KPNA1: variants seen among roughly 807,000 people sequenced by gnomAD.
KPNA1 encodes the protein karyopherin subunit alpha 1, also known as importin subunit alpha-5.
Under a neutral mutation model 70.5 loss-of-function variants are expected in KPNA1, and 10 were observed. That is an observed-to-expected ratio of 0.14 (90% confidence interval 0.09 to 0.24). KPNA1 has a LOEUF of 0.24. Among genes scored for constraint, KPNA1 ranks in the 10% least tolerant of loss-of-function variants. The pLI is 1.00. For missense variants in KPNA1, 397 were observed against 637.9 expected, an observed-to-expected ratio of 0.62 and a Z score of 4.07; for synonymous variants, 192 against 221.9, an observed-to-expected ratio of 0.87 and a Z score of 1.20.
At chr3:122,464,720 T>TC (rs2076361795) in intron 3 of KPNA1, among the ~76,000 whole-genome samples, 1 of 152,214 alleles carries the variant, frequency 6.6e-6, no homozygotes, top group African/African-American at 2.4e-5. Flanking sequence ...TGTTTCCATT[T>TC]CCCACCATAA....
chr3:122,430,214 A>G lies in KPNA1; in HGVS notation c.1251-2498T>C, dbSNP rs949969331. ...TTTGATTTAACCCACCACCACTACTACTGCCATCATTCACGGATTCACCAA... is the reference window on the plus strand; with the variant it reads ...TTTGATTTAACCCACCACCACTACTGCTGCCATCATTCACGGATTCACCAA... On this transcript the variant is annotated intron_variant, in intron 12 of 13. Transcript: ENST00000344337. Among the ~76,000 whole-genome samples the G allele has an allele frequency of 2.0e-5, 3 of 152,184 alleles. No homozygotes were observed. In the East Asian group the frequency reaches 5.8e-4, roughly 29 times the overall value.
At chr3:122,484,938 C>G (rs1193717859) in intron 2 of KPNA1, among the ~76,000 whole-genome samples, 1 of 152,180 alleles carries the variant, frequency 6.6e-6, no homozygotes, top group Non-Finnish European at 1.5e-5. Context: ...CGCTTTGACG[C>G]CCAGGCTGGA....
chr3:122,442,011 C>CA (rs748173279), intron 10 of KPNA1, 27 bp downstream of exon 10: 106 of 1,508,278 alleles, frequency 7.0e-5, no homozygotes, highest in Admixed American at 3.8e-4. Flanking sequence ...TTTTAAAGGA[C>CA]AAAAAAAAGT....
At chr3:122,470,775 A>C (rs1282653180) in intron 2 of KPNA1, among the ~76,000 whole-genome samples, 1 of 152,088 alleles carries the variant, frequency 6.6e-6, no homozygotes, top group African/African-American at 2.4e-5. Flanking sequence ...AGAACAGAAA[A>C]TGGAAATCAT....
intron 4 of KPNA1, 60 bp from the exon 5 acceptor site, chr3:122,461,378 C>T: frequency 9.3e-7 from 1 of 1,076,368 alleles, no homozygotes; most frequent in East Asian, 2.4e-5. Context: ...AAGAACTTAA[C>T]AGCTCAAAAC....
chr3:122,469,256 A>G (rs900733633), intron 2 of KPNA1, among the ~76,000 whole-genome samples: 5 of 152,264 alleles, frequency 3.3e-5, no homozygotes, highest in African/African-American at 1.2e-4. Flanking sequence ...AAGCATAACA[A>G]AGAAATTCCC....
intron 2 of KPNA1, among the ~76,000 whole-genome samples, chr3:122,472,901 C>T (rs936802571): frequency 6.6e-6 from 1 of 151,842 alleles, no homozygotes; most frequent in Non-Finnish European, 1.5e-5. Flanking sequence ...GCCAACGCGG[C>T]AAAACCCCGT....
At chr3:122,481,529 G>C (rs955546326) in intron 2 of KPNA1, among the ~76,000 whole-genome samples, 1 of 152,216 alleles carries the variant, frequency 6.6e-6, no homozygotes, top group Non-Finnish European at 1.5e-5. Context: ...GGGAGCAGAG[G>C]GAATGGAGAG....
Position 122,496,667 on chromosome 3 carries a change from T to A in KPNA1, c.-5-97A>T. The A allele has an allele frequency of 6.3e-6, 7 of 1,115,638 alleles. No homozygotes were observed. The South Asian group carries it at 1.1e-4, about 17-fold the overall frequency. The allele number at this position is 1,115,638 out of a possible 1,614,324, so 69.1% of individuals were successfully genotyped here. The stretch of plus-strand genomic sequence containing the variant: ...TTAAACATATACATGCCCAGACATA[T>A]CCCAAAGGGACATCAGAAATGGCTA... On this transcript the variant is annotated intron_variant, in intron 1 of 13. Coordinates refer to ENST00000344337, the MANE Select transcript of KPNA1 (RefSeq NM_002264.4).
intron 2 of KPNA1, among the ~76,000 whole-genome samples, chr3:122,495,654 A>G (rs2076750798): frequency 6.7e-6 from 1 of 148,298 alleles, no homozygotes; most frequent in Non-Finnish European, 1.5e-5. Context: ...TGAGGGTTCT[A>G]ATTCATCTGC....
intron 11 of KPNA1, among the ~76,000 whole-genome samples, chr3:122,435,360 C>T (rs889223142): frequency 6.6e-6 from 1 of 152,138 alleles, no homozygotes; most frequent in African/African-American, 2.4e-5. Flanking sequence ...TTGTCGTCCA[C>T]TTGAGTTACT....
intron 2 of KPNA1, among the ~76,000 whole-genome samples, chr3:122,476,883 A>C (rs904576500): frequency 6.7e-6 from 1 of 148,704 alleles, no homozygotes; most frequent in African/African-American, 2.4e-5. Flanking sequence ...AAAAAAAAAA[A>C]ACTAAAAAAA....
chr3:122,430,952 C>T (rs2075897349), intron 12 of KPNA1, among the ~76,000 whole-genome samples: 1 of 152,150 alleles, frequency 6.6e-6, no homozygotes. Context: ...TGACCTGCCA[C>T]CTCCAAAAAC....
intron 5 of KPNA1, chr3:122,457,730 T>C (rs2076279475): frequency 7.8e-7 from 1 of 1,288,530 alleles, no homozygotes; most frequent in African/African-American, 1.5e-5. Flanking sequence ...TCTGACCTCC[T>C]ATCAAGTTTC....
At chr3:122,497,302 T>G (rs552225585) in intron 1 of KPNA1, among the ~76,000 whole-genome samples, 2 of 152,350 alleles carry the variant, frequency 1.3e-5, no homozygotes, top group Admixed American at 1.3e-4. Flanking sequence ...CCATTCTATA[T>G]ATATACCCAA....
At chr3:122,504,101 T>G (rs2076860804) in intron 1 of KPNA1, among the ~76,000 whole-genome samples, 1 of 152,206 alleles carries the variant, frequency 6.6e-6, no homozygotes, top group Non-Finnish European at 1.5e-5. Context: ...AACCATGGAC[T>G]TAGAGTGAGG....
At chr3:122,453,676 A>T (rs569998324) in intron 6 of KPNA1, among the ~76,000 whole-genome samples, 194 bp downstream of exon 6, 2 of 152,234 alleles carry the variant, frequency 1.3e-5, no homozygotes, top group East Asian at 3.9e-4. Flanking sequence ...AGCTGGGATT[A>T]CAGACACGTA....
At chr3:122,439,261 C>A (rs533239123) in intron 10 of KPNA1, among the ~76,000 whole-genome samples, 20 of 152,266 alleles carry the variant, frequency 1.3e-4, no homozygotes, top group African/African-American at 4.8e-4. Flanking sequence ...TAGCTCACTG[C>A]AACCTCAAAC....
Position 122,433,647 on chromosome 3 carries a change from T to G in KPNA1, c.1250+14A>C, listed in dbSNP as rs1293958523. 1 of 1,577,932 alleles carries G rather than the reference T, an allele frequency of 6.3e-7. No individual in the cohort carries two copies. Among genetic ancestry groups the G allele is most frequent in the Non-Finnish European group, 8.6e-7 (1 of 1,166,758 alleles). Reference sequence around the variant, plus strand: ...TTTCTTTAACTTACAATATGCTGCCTGATTGGTACTTACTTGATCTGTTCA... The same window carrying G: ...TTTCTTTAACTTACAATATGCTGCCGGATTGGTACTTACTTGATCTGTTCA... On this transcript the variant is annotated intron_variant, in intron 12 of 13. Transcript: ENST00000344337.
Sources: gnomAD v4.1 joint callset for allele counts (sites outside exome capture counted in the v4.1 genomes callset) on GRCh38, gnomAD v4.1.1 for gene constraint, MANE v1.5 for transcripts, NCBI Gene and HGNC (gene_info 2026-07-23, HGNC 2026-07-21) for gene names.